CSMD1: variants seen among roughly 807,000 people sequenced by gnomAD.
The protein encoded by CSMD1 is CUB and Sushi multiple domains 1, also known as CUB and sushi domain-containing protein 1.
A neutral mutation model predicts 417.5 loss-of-function variants in CSMD1; 213 were observed. That is an observed-to-expected ratio of 0.51 (90% CI 0.46 to 0.57). The LOEUF (loss-of-function observed/expected upper bound fraction) is 0.57, where lower values mean the gene tolerates loss of function less well. Ranked by LOEUF, CSMD1 falls within the 20% of genes least tolerant of loss-of-function variation. The pLI, the probability that CSMD1 is intolerant of heterozygous loss-of-function variation, is 0.00. For synonymous variants in CSMD1, 2,862 were observed against 1,736.8 expected, an observed-to-expected ratio of 1.65 and a Z score of -16.11; for missense variants, 6,923 against 4,529.7, an observed-to-expected ratio of 1.53 and a Z score of -15.17.
At chr8:4,297,250 G>A (rs1797738442) in intron 3 of CSMD1, among the ~76,000 whole-genome samples, 1 of 151,914 alleles carries the variant, frequency 6.6e-6, no homozygotes, top group Admixed American at 6.6e-5. Flanking sequence ...ATTAAATATA[G>A]AGCTTGAAAT....
At position 4,188,639 on chromosome 8, in the gene CSMD1, A is replaced by G. The variant is rs138232070; in HGVS notation, c.416-156540T>C. Among the ~76,000 whole-genome samples the G allele has an allele frequency of 2.9e-4, 44 of 152,314 alleles. 1 individual carries two copies. The East Asian group carries it at 7.9e-3, about 27-fold the overall frequency. Reference sequence around the variant, plus strand: ...TGAGTAAGATTCCCGCCTTTTATCTATCGGAAAAATGAAAACTCTCATAAA... The same window carrying G: ...TGAGTAAGATTCCCGCCTTTTATCTGTCGGAAAAATGAAAACTCTCATAAA... On this transcript the variant is annotated intron_variant, in intron 3 of 69. Transcript: ENST00000635120.
chr8:4,179,960 A>G (rs1017488602), intron 3 of CSMD1, among the ~76,000 whole-genome samples: 2 of 152,074 alleles, frequency 1.3e-5, no homozygotes, highest in African/African-American at 4.8e-5. Flanking sequence ...AGAAATAGGA[A>G]CACTTTTACA....
chr8:4,952,351 T>TGAGAACA (rs1163004461), intron 1 of CSMD1, among the ~76,000 whole-genome samples: 1 of 64,124 alleles, frequency 1.6e-5, no homozygotes, highest in African/African-American at 5.4e-5. Flanking sequence ...TAAGTGAAAC[T>TGAGAACA]GAATAATGTA....
intron 2 of CSMD1, among the ~76,000 whole-genome samples, chr8:4,563,459 A>G (rs1046243061): frequency 1.6e-4 from 25 of 152,110 alleles, no homozygotes; most frequent in South Asian, 4.2e-4. Context: ...CTCACATTCA[A>G]CAATGCCAAG....
At chr8:3,451,126 T>A (rs1815684507) in intron 12 of CSMD1, among the ~76,000 whole-genome samples, 1 of 152,232 alleles carries the variant, frequency 6.6e-6, no homozygotes, top group African/African-American at 2.4e-5. Context: ...TTGAGAAGTG[T>A]CTGTTCATAT....
At chr8:3,229,457 C>G (rs1163344270) in intron 27 of CSMD1, among the ~76,000 whole-genome samples, 1 of 152,074 alleles carries the variant, frequency 6.6e-6, no homozygotes, top group Non-Finnish European at 1.5e-5. Context: ...GATAAATTGT[C>G]TCAGGTGGCT....
At chr8:3,613,945 A>G (rs529984230) in intron 8 of CSMD1, among the ~76,000 whole-genome samples, 8 of 151,916 alleles carry the variant, frequency 5.3e-5, no homozygotes, top group Non-Finnish European at 8.8e-5. Context: ...GAAATAAAAA[A>G]AATCCGATTG....
rs1386754147 is a variant in CSMD1, at chr8:3,492,444, G to A, written c.1448+1179C>T. Among the ~76,000 whole-genome samples the A allele has an allele frequency of 2.0e-5, 3 of 152,198 alleles. No individual in the cohort carries two copies. The East Asian group carries it at 5.8e-4, about 29-fold the overall frequency. On this transcript the variant is annotated intron_variant, in intron 11 of 69. Coordinates refer to ENST00000635120, the MANE Select transcript of CSMD1 (RefSeq NM_033225.6). ...GACAAAGAAAGCAAGGTGAACACCT[G>A]CAGAACACTTTCCATTAATGAAAGA...
rs143172571 is a variant in CSMD1, at chr8:3,244,153, G to T, written c.4154-13922C>A. 3.1e-3 allele frequency among the ~76,000 whole-genome samples: 470 copies of T among 152,340 alleles called. 5 individuals are homozygous for T. The highest frequency in any genetic ancestry group is 0.011 in the African/African-American group (446 of 41,582). ...GTCGTTCAACACGTGAAGGAAAGCT[G>T]TTGGGTTCGAAATCAGGTTTATAAA... On this transcript the variant is annotated intron_variant, in intron 26 of 69. Transcript: ENST00000635120.
chr8:4,959,280 G>C (rs1470117998), intron 1 of CSMD1, among the ~76,000 whole-genome samples: 2 of 152,150 alleles, frequency 1.3e-5, no homozygotes, highest in African/African-American at 2.4e-5. Context: ...AAGCTAAGTA[G>C]ATATGTAACA....
chr8:3,925,774 T>C (rs1809615498), intron 5 of CSMD1, among the ~76,000 whole-genome samples: 1 of 152,074 alleles, frequency 6.6e-6, no homozygotes, highest in Non-Finnish European at 1.5e-5. Context: ...CCATTGAACC[T>C]CTTTTTATTC....
At chr8:3,875,974 G>T (rs10216780) in intron 5 of CSMD1, among the ~76,000 whole-genome samples, 30,889 of 150,798 alleles carry the variant, frequency 0.2, 3,384 homozygotes, top group African/African-American at 0.3. Context: ...GTAAAATTGC[G>T]AAGGGCCACA....
rs554819436 is a variant in CSMD1 at position 3,108,764 on chromosome 8, A to C, written c.6609-16T>G. ...GGGACCGTCCCTAGGAAAGACAGAA[A>C]GAGGTGGCTGGCTAAGGATATTTAC... On this transcript the variant is annotated splice_polypyrimidine_tract_variant and intron_variant, in intron 43 of 69. Coordinates refer to ENST00000635120, the MANE Select transcript of CSMD1 (RefSeq NM_033225.6). 6.2e-6 allele frequency: 10 copies of C among 1,600,834 alleles called. No individual in the cohort carries two copies. In the South Asian group the frequency reaches 1.1e-4, roughly 18 times the overall value.
intron 3 of CSMD1, among the ~76,000 whole-genome samples, chr8:4,239,475 C>A (rs1014916133): frequency 3.3e-5 from 5 of 152,172 alleles, no homozygotes; most frequent in African/African-American, 1.2e-4. Flanking sequence ...AGAGATGTAG[C>A]ACCCTCAGAT....
At chr8:3,855,685 A>G (rs1466475947) in intron 5 of CSMD1, among the ~76,000 whole-genome samples, 1 of 152,156 alleles carries the variant, frequency 6.6e-6, no homozygotes, top group Non-Finnish European at 1.5e-5. Context: ...ACTGTTATTT[A>G]CCATATAACA....
rs1810813655 is a variant in CSMD1 at position 3,384,109 on chromosome 8, T to A, written c.2782+3385A>T. On this transcript the variant is annotated intron_variant, in intron 18 of 69. Coordinates refer to ENST00000635120, the MANE Select transcript of CSMD1 (RefSeq NM_033225.6). Reference sequence around the variant, plus strand: ...TCCTGGAAAAGTTCGTTTAGTGACCTACATGGTCTTGAGCTGACAGGGACA... The same window carrying A: ...TCCTGGAAAAGTTCGTTTAGTGACCAACATGGTCTTGAGCTGACAGGGACA... 1.3e-5 allele frequency among the ~76,000 whole-genome samples: 2 copies of A among 152,154 alleles called. 1 individual carries two copies. The highest frequency in any genetic ancestry group is 4.1e-4 in the South Asian group (2 of 4,832).
intron 10 of CSMD1, among the ~76,000 whole-genome samples, chr8:3,568,129 T>C (rs1055148979): frequency 1.3e-5 from 2 of 152,222 alleles, no homozygotes; most frequent in Admixed American, 6.5e-5. Flanking sequence ...AACAAACTTA[T>C]AATTAAATAC....
In CSMD1 at chr8:4,453,661, C is replaced by A. The variant is rs190600991; in HGVS notation, c.303-33596G>T. Among the ~76,000 whole-genome samples, 258 of 152,148 alleles carry A rather than the reference C, an allele frequency of 1.7e-3. 3 individuals carry two copies. Among genetic ancestry groups the A allele is most frequent in the African/African-American group, 6.1e-3 (252 of 41,512 alleles). On this transcript the variant is annotated intron_variant, in intron 2 of 69. Transcript: ENST00000635120. The stretch of plus-strand genomic sequence containing the variant: ...GCATGTGTATCTCTAGCCCCCGACA[C>A]CTGCAGGTCCCGCAGTCTACAGACC...
chr8:4,152,354 G>C (rs931349157), intron 3 of CSMD1, among the ~76,000 whole-genome samples: 1 of 152,098 alleles, frequency 6.6e-6, no homozygotes, highest in Non-Finnish European at 1.5e-5. Flanking sequence ...AGACACGTAA[G>C]CAGGAATGCT....
Sources: allele counts gnomAD v4.1 joint callset (sites outside exome capture counted in the v4.1 genomes callset), GRCh38; gene constraint gnomAD v4.1.1; transcripts MANE v1.5; gene names NCBI Gene and HGNC (gene_info 2026-07-23, HGNC 2026-07-21).